CRB2: variants seen among roughly 807,000 people sequenced by gnomAD.
The protein encoded by CRB2 is crumbs cell polarity complex component 2, also known as protein crumbs homolog 2.
A neutral mutation model predicts 110.9 loss-of-function variants in CRB2; 85 were observed. The ratio of observed to expected loss-of-function variants is 0.77; its 90% CI spans 0.64 to 0.92. CRB2 has a LOEUF of 0.92. CRB2 is among the 40% of genes least tolerant of loss of function. CRB2 has a pLI of 0.00. For synonymous variants in CRB2, 907 were observed against 831.0 expected (o/e 1.09, Z -1.57); for missense variants, 1,843 against 1,851.3 (o/e 1.00, Z 0.08).
chr9:123,363,886 G>A (rs915412871), intron 2 of CRB2, among the ~76,000 whole-genome samples: 5 of 152,206 alleles, frequency 3.3e-5, no homozygotes, highest in South Asian at 2.1e-4. Flanking sequence ...GCCTGAAGTC[G>A]GGAAGGAGGG....
chr9:123,354,680 G>GAGGC (rs756856256), upstream of CRB2, among the ~76,000 whole-genome samples: 74 of 152,344 alleles, frequency 4.9e-4, no homozygotes, highest in Middle Eastern at 3.4e-3. Flanking sequence ...GGGGATTAAA[G>GAGGC]ATGGACTGAG....
rs10537052 is a variant in CRB2 at position 123,367,429 on chromosome 9, ACCCC to A, written c.940+77_940+80del. 135 of 924,792 alleles carry A rather than the reference ACCCC, an allele frequency of 1.5e-4. 1 individual carries two copies. Among genetic ancestry groups the A allele is most frequent in the African/African-American group, 5.9e-4 (21 of 35,602 alleles). The allele number at this position is 924,792 out of a possible 1,614,324, so 57.3% of individuals were successfully genotyped here. A position where few individuals can be genotyped will look rare whatever the true frequency, so the allele number is the denominator to read the frequency against. On this transcript the variant is annotated intron_variant, in intron 5 of 12. Transcript: ENST00000373631. ...GGAGGGATCTTGTGCCCACCCCCCC[ACCCC>A]CCCCACCCCCCCACCCCACACCCCA...
Position 123,373,873 on chromosome 9 carries a change from C to G in CRB2, c.3342C>G (p.Gly1114=), listed in dbSNP as rs2132795241. 6.4e-7 allele frequency: 1 copy of G among 1,550,874 alleles called. No individual in the cohort carries two copies. Among genetic ancestry groups the G allele is most frequent in the East Asian group, 2.4e-5 (1 of 41,400 alleles). Residue 1114 remains glycine, a synonymous_variant, in exon 10 of 13, where the codon GGC becomes GGG. Coordinates refer to ENST00000373631, the MANE Select transcript of CRB2 (RefSeq NM_173689.7). ...GCCGCTGTCACACGCACCCCGACGG[C>G]CGCTTCGAGTGCCGCTGCCCGCCTG... ...ARGRCHTHPD[G]RFECRCPPGF... is the part of the protein sequence containing the mutation.
At chr9:123,355,075 C>T (rs1381327102), upstream of CRB2, among the ~76,000 whole-genome samples, 1 of 152,216 alleles carries the variant, frequency 6.6e-6, no homozygotes, top group Non-Finnish European at 1.5e-5. Context: ...TTGGCAGGGG[C>T]CGGTGGCTCA....
At chr9:123,356,572 G>A (rs2041801653) in intron 1 of CRB2, among the ~76,000 whole-genome samples, 1 of 151,414 alleles carries the variant, frequency 6.6e-6, no homozygotes, top group African/African-American at 2.4e-5. Context: ...CATGTTGAGG[G>A]GGGTTGTAAG....
chr9:123,358,311 C>A (rs1002888077), intron 1 of CRB2, among the ~76,000 whole-genome samples: 1 of 152,320 alleles, frequency 6.6e-6, no homozygotes, highest in African/African-American at 2.4e-5. Context: ...ATGGAGAGGA[C>A]CAAGCATCTT....
chr9:123,362,923 C>G lies in CRB2; in HGVS notation c.153C>G (p.Thr51=). Residue 51 remains threonine (T), a synonymous_variant, in exon 2 of 13, where the codon ACC becomes ACG. Transcript: ENST00000373631. The part of the protein sequence containing the change: ...ACASDPCAPG[T]ECQATESGGY... Reference sequence around the variant, plus strand: ...CCTCAGACCCGTGCGCTCCAGGGACCGAGTGCCAGGCTACCGAGAGTGGTG... The same window carrying G: ...CCTCAGACCCGTGCGCTCCAGGGACGGAGTGCCAGGCTACCGAGAGTGGTG... The G allele has an allele frequency of 6.2e-7, 1 of 1,601,594 alleles. No individual in the cohort carries two copies. The highest frequency in any genetic ancestry group is 2.2e-5 in the East Asian group (1 of 44,488).
rs993032648 is a variant in CRB2 at position 123,375,199 on chromosome 9, GC to G, written c.3507-12del. On this transcript the variant is annotated splice_polypyrimidine_tract_variant and intron_variant, in intron 11 of 12. Coordinates refer to ENST00000373631, the MANE Select transcript of CRB2 (RefSeq NM_173689.7). ...AGCCATGGGGGAAGCCGCTTTCTCAGCCCCCCTCCCTCTCCAGGTGTCAGGT... is the reference window on the plus strand; with the variant it reads ...AGCCATGGGGGAAGCCGCTTTCTCAGCCCCCTCCCTCTCCAGGTGTCAGGT... The G allele has an allele frequency of 3.1e-6, 5 of 1,611,296 alleles. No homozygotes were observed. Among genetic ancestry groups the G allele is most frequent in the Admixed American group, 3.3e-5 (2 of 59,724 alleles).
At position 123,373,266 on chromosome 9, in the gene CRB2, C is replaced by G. The variant is rs1011054534; in HGVS notation, c.2735C>G (p.Ala912Gly). 2.0e-6 allele frequency: 3 copies of G among 1,485,014 alleles called. No individual in the cohort carries two copies. In the Admixed American group the frequency reaches 6.9e-5, roughly 34 times the overall value. The allele number at this position is 1,485,014 out of a possible 1,614,324, so 92.0% of individuals were successfully genotyped here. Residue 912 changes from alanine to glycine, a missense_variant, in exon 10 of 13, where the codon GCC (alanine) becomes GGC (glycine). Physicochemically the swap from Ala to Gly is moderately conservative, Grantham distance 60 (BLOSUM62 0). Coordinates refer to ENST00000373631, the MANE Select transcript of CRB2 (RefSeq NM_173689.7). ...GACTCCGAGGCCTGGCTGCTGCGTGCCGCGGCGGGCGCCCTGGAAGGCGTG... is the reference window on the plus strand; with the variant it reads ...GACTCCGAGGCCTGGCTGCTGCGTGGCGCGGCGGGCGCCCTGGAAGGCGTG... Reference protein sequence around the residue: ...TRDSEAWLLRAAAGALEGVWL... With the variant: ...TRDSEAWLLRGAAGALEGVWL...
chr9:123,357,635 C>T (rs560879912), intron 1 of CRB2, among the ~76,000 whole-genome samples: 20 of 143,830 alleles, frequency 1.4e-4, no homozygotes, highest in Admixed American at 2.8e-4. Flanking sequence ...TGGCGGGGGG[C>T]GGGGTGGCTG....
At position 123,357,748 on chromosome 9, in the gene CRB2, T is replaced by C. The variant is rs185222353; in HGVS notation, c.94+1394T>C. Among the ~76,000 whole-genome samples the C allele has an allele frequency of 2.0e-5, 3 of 152,328 alleles. No individual in the cohort carries two copies. The East Asian group carries it at 5.8e-4, about 29-fold the overall frequency. On this transcript the variant is annotated intron_variant, in intron 1 of 12. Transcript: ENST00000373631. Reference sequence around the variant, plus strand: ...CTCACACACCCACACTCCGCACACCTGTGTGGCATGCCCAAGGGCACACAG... The same window carrying C: ...CTCACACACCCACACTCCGCACACCCGTGTGGCATGCCCAAGGGCACACAG...
chr9:123,372,364 C>T (rs1588216221), intron 9 of CRB2, 22 bp downstream of exon 9: 1 of 1,568,814 alleles, frequency 6.4e-7, no homozygotes, highest in Non-Finnish European at 8.6e-7. Context: ...TCCTGGGCAG[C>T]TCCCGTGCTG....
At chr9:123,369,653 G>A (rs1021875937) in intron 6 of CRB2, among the ~76,000 whole-genome samples, 5 of 152,154 alleles carry the variant, frequency 3.3e-5, no homozygotes, top group Non-Finnish European at 7.3e-5. Flanking sequence ...TGAGAGCCTG[G>A]TAGGACCCAG....
intron 10 of CRB2, 190 bp downstream of exon 10, chr9:123,374,110 C>T (rs2042066259): frequency 1.2e-6 from 1 of 866,614 alleles, no homozygotes; most frequent in African/African-American, 1.7e-5. Context: ...AACCAGTTAG[C>T]CTGGAATTTC....
Position 123,373,868 on chromosome 9 carries a change from G to C in CRB2, c.3337G>C (p.Asp1113His). The C allele has an allele frequency of 1.3e-6, 2 of 1,552,034 alleles. No individual in the cohort carries two copies. The highest frequency in any genetic ancestry group is 1.7e-6 in the Non-Finnish European group (2 of 1,152,934). ...CCGTGGCCGCTGTCACACGCACCCC[G>C]ACGGCCGCTTCGAGTGCCGCTGCCC... ...CARGRCHTHPDGRFECRCPPG... is the reference protein window; with the variant it reads ...CARGRCHTHPHGRFECRCPPG... Residue 1113 changes from aspartate (D) to histidine (H), a missense_variant, in exon 10 of 13, where the codon GAC becomes CAC. By Grantham distance (81) the Asp-to-His change is moderately conservative. Transcript: ENST00000373631.
chr9:123,372,410 C>T, intron 9 of CRB2, 68 bp downstream of exon 9: 3 of 1,519,008 alleles, frequency 2.0e-6, no homozygotes, highest in Non-Finnish European at 2.7e-6. Flanking sequence ...ATCCCATCTG[C>T]ACTCTCAGGG....
At chr9:123,366,821 T>G (rs906084554) in intron 4 of CRB2, among the ~76,000 whole-genome samples, 3 of 151,840 alleles carry the variant, frequency 2.0e-5, no homozygotes, top group African/African-American at 7.3e-5. Context: ...CATGGTGGCA[T>G]GTACCTGTAG....
rs765685147 is a variant in CRB2 at position 123,374,666 on chromosome 9, C to T, written c.3477C>T (p.Cys1159=). The change falls in exon 11 of 13, where the codon TGC becomes TGT. Residue 1159 remains cysteine, a synonymous_variant. Coordinates refer to ENST00000373631, the MANE Select transcript of CRB2 (RefSeq NM_173689.7). ...AGGGTGGCTCTCCCGCTGCCAACTG[C>T]AGCTGCCTGGAGGGTCTTGCTGGCC... ...PCEGGSPAAN[C]SCLEGLAGQR... The T allele has an allele frequency of 3.7e-6, 6 of 1,612,004 alleles. 1 individual carries two copies. The South Asian group carries it at 4.4e-5, about 12-fold the overall frequency.
chr9:123,361,137 A>AGGC (rs1554781916), intron 1 of CRB2, among the ~76,000 whole-genome samples: 9 of 53,794 alleles, frequency 1.7e-4, no homozygotes, highest in Admixed American at 5.3e-4. Flanking sequence ...ATGGGCGGGG[A>AGGC]GGGGGGGGGG....
Sources: allele counts gnomAD v4.1 joint callset (sites outside exome capture counted in the v4.1 genomes callset), GRCh38; gene constraint gnomAD v4.1.1; transcripts MANE v1.5; gene names NCBI Gene and HGNC (gene_info 2026-07-23, HGNC 2026-07-21).